The following KLHL1 variants were observed in gnomAD, a reference collection of about 807,000 sequenced individuals.
KLHL1 encodes the protein kelch like family member 1.
Under a neutral mutation model 77.7 loss-of-function variants are expected in KLHL1, and 47 were observed. The observed-to-expected ratio is 0.60, with a 90% CI of 0.48 to 0.77. KLHL1 has a LOEUF of 0.77. Ranked by LOEUF, KLHL1 falls within the 30% of genes least tolerant of loss-of-function variation. The probability of loss-of-function intolerance (pLI) is 0.00; values close to 1 mark genes in which losing one functional copy is unlikely to be tolerated. For missense variants in KLHL1, 925 were observed against 910.8 expected (o/e 1.02, Z -0.20); for synonymous variants, 360 against 325.2 (o/e 1.11, Z -1.15).
At chr13:69,703,250 C>T (rs912702425) in intron 10 of KLHL1, among the ~76,000 whole-genome samples, 24 of 151,382 alleles carry the variant, frequency 1.6e-4, no homozygotes, top group African/African-American at 5.8e-4. Context: ...AACATGAAAG[C>T]ACAACGCATT....
At chr13:69,728,415 GTT>G (rs1566187911) in intron 8 of KLHL1, among the ~76,000 whole-genome samples, 1 of 151,300 alleles carries the variant, frequency 6.6e-6, no homozygotes, top group African/African-American at 2.4e-5. Flanking sequence ...TTGTTTGTTT[GTT>G]TGTTTGTTTG....
intron 4 of KLHL1, among the ~76,000 whole-genome samples, chr13:69,889,347 C>T (rs988649185): frequency 7.2e-5 from 11 of 151,978 alleles, no homozygotes; most frequent in African/African-American, 2.7e-4. Context: ...ATTATCACAA[C>T]TTGTTATTTT....
chr13:69,948,081 T>G (rs1283094746), intron 3 of KLHL1, among the ~76,000 whole-genome samples: 1 of 152,034 alleles, frequency 6.6e-6, no homozygotes, highest in Non-Finnish European at 1.5e-5. Flanking sequence ...AAGACAACTT[T>G]TAGAGATTGT....
intron 6 of KLHL1, among the ~76,000 whole-genome samples, chr13:69,822,942 T>C (rs1266201964): frequency 1.4e-5 from 2 of 147,888 alleles, no homozygotes; most frequent in African/African-American, 2.7e-5. Context: ...AATATAACTT[T>C]ATGTTTTTAT....
intron 4 of KLHL1, among the ~76,000 whole-genome samples, chr13:69,934,999 T>C (rs74090609): frequency 0.04 from 5,870 of 147,182 alleles, 305 homozygotes; most frequent in African/African-American, 0.1. Context: ...TGTATATATA[T>C]ACATATTATC....
intron 1 of KLHL1, among the ~76,000 whole-genome samples, chr13:70,059,770 T>C (rs779962408): frequency 2.3e-4 from 35 of 152,146 alleles, no homozygotes; most frequent in Admixed American, 1.3e-3. Context: ...CTTAAAATCA[T>C]GGCAGAAGGC....
chr13:70,086,842 A>G (rs1288798822), intron 1 of KLHL1, among the ~76,000 whole-genome samples: 1 of 152,008 alleles, frequency 6.6e-6, no homozygotes, highest in Non-Finnish European at 1.5e-5. Flanking sequence ...TTTTGACTTC[A>G]TCTTTCCTGA....
At chr13:69,906,014 C>T (rs1243872796) in intron 4 of KLHL1, among the ~76,000 whole-genome samples, 5 of 152,056 alleles carry the variant, frequency 3.3e-5, no homozygotes, top group African/African-American at 4.8e-5. Context: ...TCCAGTGTTT[C>T]GAAATCTCTC....
At chr13:69,820,086 A>G (rs1878273630) in intron 6 of KLHL1, among the ~76,000 whole-genome samples, 1 of 152,116 alleles carries the variant, frequency 6.6e-6, no homozygotes, top group Non-Finnish European at 1.5e-5. Flanking sequence ...ATGGGCTTGT[A>G]TCTATTAAGT....
At position 69,700,899 on chromosome 13, in the gene KLHL1, G is replaced by T. The variant is rs1400504694; in HGVS notation, c.*803C>A. 2.0e-5 allele frequency: 3 copies of T among 152,224 alleles called. No homozygotes were observed. Among genetic ancestry groups the T allele is most frequent in the East Asian group, 3.9e-4 (2 of 5,178 alleles). 9.4% of individuals were successfully genotyped at this position (152,224 alleles called of 1,614,324 possible). The stretch of plus-strand genomic sequence containing the variant: ...ATGCAATGGATATATATATCATTCA[G>T]AATCACTAGCTTCCATGCTTACACT... On this transcript the variant is annotated 3_prime_UTR_variant, in exon 11 of 11. Coordinates refer to ENST00000377844, the MANE Select transcript of KLHL1 (RefSeq NM_020866.3).
In KLHL1 at chr13:69,895,533, T is replaced by C. The variant is rs115510276; in HGVS notation, c.1015-13038A>G. Among the ~76,000 whole-genome samples the C allele has an allele frequency of 4.5e-3, 686 of 152,264 alleles. 7 individuals are homozygous for C. Among genetic ancestry groups the C allele is most frequent in the African/African-American group, 0.016 (646 of 41,562 alleles). ...CTATTGCTGCTGTAACAAATCACCA[T>C]AAATTGTGTGGCTTTAAAAAATACC... On this transcript the variant is annotated intron_variant, in intron 4 of 10. Transcript: ENST00000377844.
At position 69,890,669 on chromosome 13, in the gene KLHL1, T is replaced by C. The variant is rs199632877; in HGVS notation, c.1015-8174A>G. 4.5e-3 allele frequency among the ~76,000 whole-genome samples: 674 copies of C among 150,286 alleles called. 6 individuals are homozygous for C. The highest frequency in any genetic ancestry group is 0.016 in the African/African-American group (635 of 40,672). Reference sequence around the variant, plus strand: ...ACGCACACACACACACACACACAGATATATGTATCTCCTTGTAAAGGCTAA... The same window carrying C: ...ACGCACACACACACACACACACAGACATATGTATCTCCTTGTAAAGGCTAA... On this transcript the variant is annotated intron_variant, in intron 4 of 10. Coordinates refer to ENST00000377844, the MANE Select transcript of KLHL1 (RefSeq NM_020866.3).
intron 8 of KLHL1, among the ~76,000 whole-genome samples, chr13:69,727,473 G>A (rs1034980031): frequency 1.2e-4 from 18 of 152,240 alleles, no homozygotes; most frequent in African/African-American, 4.1e-4. Flanking sequence ...AAAAGGCAAA[G>A]GGGTGTGGAC....
intron 6 of KLHL1, among the ~76,000 whole-genome samples, chr13:69,834,001 G>C (rs370473018): frequency 1.3e-5 from 2 of 151,750 alleles, no homozygotes; most frequent in Non-Finnish European, 2.9e-5. Flanking sequence ...ACCTAAAATC[G>C]TATGTTCTCA....
chr13:69,996,308 AT>A (rs1462365014), intron 1 of KLHL1, among the ~76,000 whole-genome samples: 38 of 152,218 alleles, frequency 2.5e-4, no homozygotes, highest in East Asian at 1.4e-3. Flanking sequence ...TTTAAAAAAA[AT>A]AAAATAAAAA....
intron 1 of KLHL1, among the ~76,000 whole-genome samples, chr13:70,084,462 TTC>T (rs1887472755): frequency 2.8e-5 from 1 of 35,458 alleles, no homozygotes; most frequent in African/African-American, 1.2e-4. Flanking sequence ...TTTCTTCTTC[TTC>T]TTTTTTTTTT....
At chr13:69,966,904 A>G (rs1884227480) in intron 2 of KLHL1, among the ~76,000 whole-genome samples, 1 of 152,044 alleles carries the variant, frequency 6.6e-6, no homozygotes, top group Non-Finnish European at 1.5e-5. Flanking sequence ...TAAGAAAATG[A>G]CCTCTAAGTC....
intron 3 of KLHL1, among the ~76,000 whole-genome samples, chr13:69,957,258 T>C (rs1883919597): frequency 6.6e-6 from 1 of 151,748 alleles, no homozygotes; most frequent in African/African-American, 2.4e-5. Context: ...TAGATAGTGA[T>C]ACATAGATTT....
intron 4 of KLHL1, among the ~76,000 whole-genome samples, chr13:69,903,965 T>A (rs987220185): frequency 5.3e-5 from 8 of 151,942 alleles, no homozygotes; most frequent in African/African-American, 1.7e-4. Context: ...TATTTTTTTT[T>A]ATGTTCATTG....
Sources: allele counts gnomAD v4.1 joint callset (sites outside exome capture counted in the v4.1 genomes callset), GRCh38; gene constraint gnomAD v4.1.1; transcripts MANE v1.5; gene names NCBI Gene and HGNC (gene_info 2026-07-23, HGNC 2026-07-21).